EXD1: variants seen among roughly 807,000 people sequenced by gnomAD.
EXD1 encodes the protein piRNA biogenesis protein EXD1.
In EXD1, 63 loss-of-function variants were observed where a neutral mutation model predicts 49.1. The ratio of observed to expected loss-of-function variants is 1.28; its 90% CI spans 1.05 to 1.58. EXD1 has a LOEUF of 1.58. Among genes scored for constraint, EXD1 ranks in the 40% most tolerant of loss-of-function variants. The pLI is 0.00. For missense variants in EXD1, 748 were observed against 666.0 expected (o/e 1.12, Z -1.36); for synonymous variants, 234 against 239.2 (o/e 0.98, Z 0.20).
chr15:41,228,732 C>T lies in EXD1; in HGVS notation c.-54+1747G>A, dbSNP rs558625549. 3.9e-3 allele frequency among the ~76,000 whole-genome samples: 587 copies of T among 152,220 alleles called. 4 individuals are homozygous for T. The highest frequency in any genetic ancestry group is 0.022 in the South Asian group (106 of 4,822). On this transcript the variant is annotated intron_variant, in intron 1 of 11. Coordinates refer to ENST00000458580, the MANE Select transcript of EXD1 (RefSeq NM_001286441.2). ...ATTTTATTTTTGAGATGGAGTCTCA[C>T]TCTGTCGCCAGGCTGGAGTGCAGTA... is the stretch of plus-strand genomic sequence containing the variant.
Position 41,217,144 on chromosome 15 carries a change from T to A in EXD1, c.213A>T (p.Leu71=). The stretch of plus-strand genomic sequence containing the variant: ...TCACTGAGCCTTGTTCCACTTCATC[T>A]AGTAGTTCCACTGTAAAATAACCAA... The part of the protein sequence containing the change: ...FGHEIVNVEL[L]DEVEQGSVRA... The change falls in exon 4 of 12, where the codon CTA becomes CTT. Residue 71 remains leucine, a synonymous_variant. Transcript: ENST00000458580. 1 of 1,612,250 alleles carries A rather than the reference T, an allele frequency of 6.2e-7. No homozygotes were observed. The highest frequency in any genetic ancestry group is 8.5e-7 in the Non-Finnish European group (1 of 1,179,868).
At chr15:41,207,097 C>T (rs59616518) in intron 7 of EXD1, among the ~76,000 whole-genome samples, 40,601 of 149,292 alleles carry the variant, frequency 0.27, 7,395 homozygotes, top group African/African-American at 0.51. Context: ...AAAAATTACC[C>T]GAGCGTGGTG....
chr15:41,212,225 A>G (rs2046931105), intron 6 of EXD1, among the ~76,000 whole-genome samples: 1 of 151,940 alleles, frequency 6.6e-6, no homozygotes, highest in Non-Finnish European at 1.5e-5. Context: ...TGAGGCGGGC[A>G]GATCACGAGG....
At chr15:41,213,643 T>C (rs2046956295) in intron 6 of EXD1, among the ~76,000 whole-genome samples, 1 of 151,916 alleles carries the variant, frequency 6.6e-6, no homozygotes, top group African/African-American at 2.4e-5. Context: ...GGATTACAAG[T>C]GCCCACCACC....
intron 6 of EXD1, among the ~76,000 whole-genome samples, chr15:41,213,314 G>A (rs2140886540): frequency 6.6e-6 from 1 of 151,798 alleles, no homozygotes; most frequent in Admixed American, 6.6e-5. Flanking sequence ...CAATTCTCCT[G>A]CCTCAGCCTC....
In EXD1 at chr15:41,225,303, G is replaced by A. The variant is rs555425825; in HGVS notation, c.133+1140C>T. Among the ~76,000 whole-genome samples the A allele has an allele frequency of 2.6e-5, 4 of 152,296 alleles. No individual in the cohort carries two copies. The East Asian group carries it at 7.7e-4, about 29-fold the overall frequency. ...CAAATGCATATGGAAAGAAATTAAA[G>A]GGCCAGCATAGTGGCTCAAGCCTGT... is the stretch of plus-strand genomic sequence containing the variant. On this transcript the variant is annotated intron_variant, in intron 2 of 11. Coordinates refer to ENST00000458580, the MANE Select transcript of EXD1 (RefSeq NM_001286441.2).
At chr15:41,188,686 C>G (rs918945481) in intron 11 of EXD1, among the ~76,000 whole-genome samples, 3 of 151,990 alleles carry the variant, frequency 2.0e-5, no homozygotes, top group East Asian at 3.9e-4. Flanking sequence ...GCCACCGTAC[C>G]TGGCCCTGGC....
At chr15:41,196,451 G>A (rs2046615298) in intron 7 of EXD1, among the ~76,000 whole-genome samples, 1 of 151,458 alleles carries the variant, frequency 6.6e-6, no homozygotes, top group African/African-American at 2.4e-5. Flanking sequence ...CAAGTAGCTG[G>A]GATTACAGGT....
chr15:41,219,980 C>G, intron 2 of EXD1, 82 bp from the exon 3 acceptor site: 1 of 1,078,978 alleles, frequency 9.3e-7, no homozygotes. Flanking sequence ...CAAAATTTCC[C>G]AAGTCTGAGT....
chr15:41,216,670 G>T lies in EXD1; in HGVS notation c.386C>A (p.Ser129Ter), dbSNP rs1360825370. 3 of 1,609,938 alleles carry T rather than the reference G, an allele frequency of 1.9e-6. No individual in the cohort carries two copies. The African/African-American group carries it at 4.0e-5, about 22-fold the overall frequency. Residue 129 changes from serine to a stop codon, truncating the protein, a stop_gained and splice_region_variant, in exon 5 of 12, where the codon TCA (serine) becomes TAA (stop). Coordinates refer to ENST00000458580, the MANE Select transcript of EXD1 (RefSeq NM_001286441.2). LOFTEE classifies it high-confidence loss of function. ...AAATTCAGAGCCCCTATATTCACCT[G>T]ATGGGCTGTACTTGAGGTCATTCAG... is the stretch of plus-strand genomic sequence containing the variant. ...SLLNDLKYSP[S>*]EEEEVTYTVI...
At chr15:41,201,672 T>G (rs1224631332) in intron 7 of EXD1, among the ~76,000 whole-genome samples, 1 of 151,846 alleles carries the variant, frequency 6.6e-6, no homozygotes, top group African/African-American at 2.4e-5. Flanking sequence ...ATATTTTTAG[T>G]AGAGACAGGG....
intron 7 of EXD1, among the ~76,000 whole-genome samples, chr15:41,206,730 G>T (rs544583191): frequency 1.4e-5 from 2 of 139,572 alleles, no homozygotes; most frequent in African/African-American, 5.2e-5. Context: ...CAAGTGATCC[G>T]CCTGCCTCAG....
intron 7 of EXD1, among the ~76,000 whole-genome samples, chr15:41,206,608 T>C (rs973711901): frequency 3.4e-5 from 5 of 147,748 alleles, no homozygotes; most frequent in Non-Finnish European, 7.4e-5. Context: ...AACAATCCTG[T>C]TATTCAATTC....
intron 11 of EXD1, among the ~76,000 whole-genome samples, chr15:41,185,065 T>C (rs1218035516): frequency 6.6e-6 from 1 of 152,170 alleles, no homozygotes; most frequent in Non-Finnish European, 1.5e-5. Context: ...ATTTTTCTAG[T>C]AATTTCAATA....
chr15:41,217,267 G>T (rs2047014453), intron 3 of EXD1, 113 bp from the exon 4 acceptor site: 2 of 847,302 alleles, frequency 2.4e-6, no homozygotes, highest in South Asian at 1.6e-5. Flanking sequence ...AATTGGAAAT[G>T]ACATGTTAGT....
chr15:41,215,030 C>T (rs371091364), intron 6 of EXD1, among the ~76,000 whole-genome samples: 3 of 152,272 alleles, frequency 2.0e-5, no homozygotes, highest in African/African-American at 7.2e-5. Flanking sequence ...CAGGCGTGAG[C>T]CACTGCACCC....
At chr15:41,186,893 T>C (rs866914268) in intron 11 of EXD1, among the ~76,000 whole-genome samples, 10 of 144,682 alleles carry the variant, frequency 6.9e-5, no homozygotes, top group African/African-American at 2.4e-4. Flanking sequence ...TTTTTTTTTT[T>C]CTTTTTTTTT....
intron 6 of EXD1, among the ~76,000 whole-genome samples, chr15:41,214,244 C>G (rs1595452029): frequency 6.6e-6 from 1 of 152,156 alleles, no homozygotes; most frequent in Non-Finnish European, 1.5e-5. Flanking sequence ...GGGACAGTGG[C>G]TTACACCTGT....
At chr15:41,228,396 C>G (rs1172751285) in intron 1 of EXD1, among the ~76,000 whole-genome samples, 1 of 152,144 alleles carries the variant, frequency 6.6e-6, no homozygotes, top group Non-Finnish European at 1.5e-5. Flanking sequence ...ACAAATATTA[C>G]TTGATATAAC....
Sources: allele counts gnomAD v4.1 joint callset (sites outside exome capture counted in the v4.1 genomes callset), GRCh38; gene constraint gnomAD v4.1.1; transcripts MANE v1.5; gene names NCBI Gene and HGNC (gene_info 2026-07-23, HGNC 2026-07-21).